Variants in LCP1 observed in about 807,000 individuals in gnomAD.
The protein encoded by LCP1 is plastin-2.
A neutral mutation model predicts 72.0 loss-of-function variants in LCP1; 23 were observed. That is an observed-to-expected ratio of 0.32 (90% CI 0.23 to 0.45). The LOEUF is 0.45. LCP1 is among the 20% of genes least tolerant of loss of function. The probability of loss-of-function intolerance (pLI) is 1.00; values close to 1 mark genes in which losing one functional copy is unlikely to be tolerated. For missense variants in LCP1, 571 were observed against 748.3 expected, an observed-to-expected ratio of 0.76 and a Z score of 2.76; for synonymous variants, 245 against 275.4, an observed-to-expected ratio of 0.89 and a Z score of 1.09.
At chr13:46,141,494 C>T (rs1176536632) in intron 13 of LCP1, among the ~76,000 whole-genome samples, 1 of 149,970 alleles carries the variant, frequency 6.7e-6, no homozygotes, top group African/African-American at 2.5e-5. Context: ...TAAAATAAGC[C>T]AGAAAAGAAA....
chr13:46,179,102 T>C (rs545123588), intron 1 of LCP1, among the ~76,000 whole-genome samples: 1 of 152,358 alleles, frequency 6.6e-6, no homozygotes, highest in East Asian at 1.9e-4. Flanking sequence ...AGCTAAGTTT[T>C]GGCCCAACCA....
chr13:46,179,539 C>T (rs1049810220), intron 1 of LCP1, among the ~76,000 whole-genome samples: 1 of 152,104 alleles, frequency 6.6e-6, no homozygotes, highest in Admixed American at 6.5e-5. Flanking sequence ...TGAGCAAATG[C>T]ACACCAAAGA....
intron 10 of LCP1, among the ~76,000 whole-genome samples, chr13:46,144,864 T>C (rs1056166810): frequency 6.6e-5 from 10 of 152,180 alleles, no homozygotes; most frequent in Non-Finnish European, 1.5e-4. Flanking sequence ...ATGAGGTAGA[T>C]ATATTTGTTA....
intron 13 of LCP1, 24 bp downstream of exon 13, chr13:46,142,268 A>T: frequency 6.2e-7 from 1 of 1,605,694 alleles, no homozygotes; most frequent in Non-Finnish European, 8.5e-7. Context: ...TTCAAGAAAA[A>T]GCCACTTCCA....
At chr13:46,138,739 C>T (rs9316185) in intron 13 of LCP1, among the ~76,000 whole-genome samples, 1 of 152,062 alleles carries the variant, frequency 6.6e-6, no homozygotes, top group Non-Finnish European at 1.5e-5. Context: ...CTCTGCCTCC[C>T]AGGTTCAAGA....
intron 15 of LCP1, 28 bp downstream of exon 15, chr13:46,130,786 A>T (rs1345665065): frequency 6.2e-7 from 1 of 1,612,684 alleles, no homozygotes; most frequent in Non-Finnish European, 8.5e-7. Context: ...CTTCCCTCCC[A>T]ATCTGAGGTT....
chr13:46,173,044 G>A (rs543882927), intron 1 of LCP1, among the ~76,000 whole-genome samples: 48 of 152,274 alleles, frequency 3.2e-4, no homozygotes, highest in African/African-American at 1.0e-3. Context: ...TGAGATGCAC[G>A]GTCCATGAAA....
intron 11 of LCP1, 106 bp downstream of exon 11, chr13:46,144,336 G>T: frequency 1.1e-6 from 1 of 876,658 alleles, no homozygotes; most frequent in Non-Finnish European, 1.8e-6. Context: ...TTCCAGCAAG[G>T]TATGCACATT....
chr13:46,178,670 A>G (rs1252796709), intron 1 of LCP1, among the ~76,000 whole-genome samples: 1 of 152,202 alleles, frequency 6.6e-6, no homozygotes, highest in Non-Finnish European at 1.5e-5. Flanking sequence ...TTATTTCTGC[A>G]GTGTTCAGTA....
intron 15 of LCP1, among the ~76,000 whole-genome samples, chr13:46,128,218 A>C (rs2045611581): frequency 6.6e-6 from 1 of 152,150 alleles, no homozygotes; most frequent in African/African-American, 2.4e-5. Context: ...ACAGAACTGA[A>C]TAAACATGTG....
chr13:46,156,811 GTTTCT>G (rs200587146), intron 4 of LCP1, among the ~76,000 whole-genome samples: 3,387 of 149,760 alleles, frequency 0.023, 130 homozygotes, highest in African/African-American at 0.079. Context: ...CTATCTCTCT[GTTTCT>G]TTTCTTTTCT....
At chr13:46,173,510 A>G (rs1487424267) in intron 1 of LCP1, among the ~76,000 whole-genome samples, 1 of 152,256 alleles carries the variant, frequency 6.6e-6, no homozygotes, top group East Asian at 1.9e-4. Flanking sequence ...TTGCAAAATT[A>G]TCTTGGAGAA....
chr13:46,165,589 T>C (rs1369825368), intron 1 of LCP1, among the ~76,000 whole-genome samples: 1 of 152,166 alleles, frequency 6.6e-6, no homozygotes, highest in Non-Finnish European at 1.5e-5. Context: ...AAGGAGGGGC[T>C]AAAGAAAGCA....
At chr13:46,153,041 G>T in intron 6 of LCP1, 96 bp from the exon 7 acceptor site, 1 of 1,225,514 alleles carries the variant, frequency 8.2e-7, no homozygotes, top group Non-Finnish European at 1.1e-6. Flanking sequence ...TTCTGCGAAG[G>T]TCACAGGTTT....
intron 1 of LCP1, among the ~76,000 whole-genome samples, chr13:46,165,738 G>A (rs2045872798): frequency 6.6e-6 from 1 of 152,042 alleles, no homozygotes; most frequent in African/African-American, 2.4e-5. Flanking sequence ...CAAATCCGTG[G>A]TCAATCTGGG....
At chr13:46,140,164 A>G (rs978012925) in intron 13 of LCP1, among the ~76,000 whole-genome samples, 3 of 152,240 alleles carry the variant, frequency 2.0e-5, no homozygotes, top group African/African-American at 7.2e-5. Flanking sequence ...AAAGACTATC[A>G]GAGTGGTGAG....
rs372963588 is a variant in LCP1 at position 46,166,792 on chromosome 13, C to A, written c.-24-7106G>T. On this transcript the variant is annotated intron_variant, in intron 1 of 15. Coordinates refer to ENST00000323076, the MANE Select transcript of LCP1 (RefSeq NM_002298.5). ...AAACATTGCTTTTACTTAATCCTGT[C>A]CCCTTCATTTTATAAAGTAGACCAC... Among the ~76,000 whole-genome samples, 8 of 152,260 alleles carry A rather than the reference C, an allele frequency of 5.3e-5. No homozygotes were observed. The East Asian group carries it at 1.2e-3, about 22-fold the overall frequency.
intron 1 of LCP1, among the ~76,000 whole-genome samples, chr13:46,171,566 C>T (rs1052463013): frequency 2.0e-5 from 3 of 152,126 alleles, no homozygotes; most frequent in South Asian, 2.1e-4. Flanking sequence ...CCTCTTTGCC[C>T]GTGGCCTCCA....
intron 4 of LCP1, 116 bp downstream of exon 4, chr13:46,158,406 G>A: frequency 8.5e-7 from 1 of 1,169,952 alleles, no homozygotes; most frequent in Non-Finnish European, 1.2e-6. Flanking sequence ...AGGAAAATTG[G>A]GAGTCATCCA....
Sources: gnomAD v4.1 joint callset for allele counts (sites outside exome capture counted in the v4.1 genomes callset) on GRCh38, gnomAD v4.1.1 for gene constraint, MANE v1.5 for transcripts, NCBI Gene and HGNC (gene_info 2026-07-23, HGNC 2026-07-21) for gene names.